FNDC1: variants seen among roughly 807,000 people sequenced by gnomAD.
The protein encoded by FNDC1 is fibronectin type III domain-containing protein 1.
Under a neutral mutation model 168.0 loss-of-function variants are expected in FNDC1, and 96 were observed. The observed-to-expected ratio is 0.57, with a 90% CI of 0.48 to 0.68. The LOEUF is 0.68. Ranked by LOEUF, FNDC1 falls within the 30% of genes least tolerant of loss-of-function variation. The pLI is 0.00. For synonymous variants in FNDC1, 1,099 were observed against 1,025.9 expected (o/e 1.07, Z -1.36); for missense variants, 2,587 against 2,482.1 (o/e 1.04, Z -0.90).
intron 18 of FNDC1, among the ~76,000 whole-genome samples, chr6:159,259,956 G>A (rs1406365504): frequency 6.6e-6 from 1 of 152,238 alleles, no homozygotes; most frequent in Non-Finnish European, 1.5e-5. Flanking sequence ...CAGAAGGCTT[G>A]AGGCCAAGGC....
intron 1 of FNDC1, among the ~76,000 whole-genome samples, chr6:159,177,932 C>T (rs761078752): frequency 6.6e-6 from 1 of 152,010 alleles, no homozygotes; most frequent in South Asian, 2.1e-4. Flanking sequence ...TGCTATTTTT[C>T]AAAAAATGTT....
intron 19 of FNDC1, among the ~76,000 whole-genome samples, chr6:159,262,229 T>G (rs1355355925): frequency 6.6e-6 from 1 of 152,212 alleles, no homozygotes; most frequent in Middle Eastern, 3.2e-3. Context: ...GCAACCCAGC[T>G]GAGCCAGCCC....
intron 1 of FNDC1, among the ~76,000 whole-genome samples, chr6:159,192,768 C>T (rs1042986872): frequency 1.3e-5 from 2 of 152,144 alleles, no homozygotes; most frequent in Admixed American, 6.5e-5. Flanking sequence ...TCCCACACTC[C>T]TCTCCCTGAA....
At chr6:159,242,600 A>G (rs1014014689) in intron 14 of FNDC1, among the ~76,000 whole-genome samples, 23 of 152,362 alleles carry the variant, frequency 1.5e-4, no homozygotes, top group African/African-American at 5.5e-4. Context: ...GTGGATGTTA[A>G]TATATTTACA....
intron 20 of FNDC1, among the ~76,000 whole-genome samples, chr6:159,265,711 C>T (rs779789896): frequency 7.2e-5 from 11 of 152,062 alleles, no homozygotes; most frequent in East Asian, 3.9e-4. Context: ...GGGCGGATTG[C>T]GAGGTCAGGA....
intron 17 of FNDC1, among the ~76,000 whole-genome samples, chr6:159,255,907 C>T (rs530724969): frequency 3.3e-5 from 5 of 152,298 alleles, no homozygotes; most frequent in East Asian, 1.9e-4. Context: ...AGGGTTCACC[C>T]GCTGAGGTCT....
chr6:159,232,181 T>G lies in FNDC1; in HGVS notation c.1669T>G (p.Ser557Ala). 6.2e-7 allele frequency: 1 copy of G among 1,613,546 alleles called. No homozygotes were observed. ...GSREDSPMSP[S>A]DTQDQKRTLR... ...CCGGGAGGACTCGCCCATGTCACCC[T>G]CAGACACCCAAGACCAGAAACGGAC... The change falls in exon 11 of 23, where the codon TCA becomes GCA. Residue 557 changes from serine (S) to alanine (A), a missense_variant. Physicochemically the swap from Ser to Ala is moderately conservative, Grantham distance 99 (BLOSUM62 1). Coordinates refer to ENST00000297267, the MANE Select transcript of FNDC1 (RefSeq NM_032532.3). The surrounding 1 kb of genome is among the most constrained non-coding windows in gnomAD (Gnocchi z 4.9).
chr6:159,244,845 C>T (rs185096504), intron 14 of FNDC1, among the ~76,000 whole-genome samples: 1 of 152,280 alleles, frequency 6.6e-6, no homozygotes, highest in Non-Finnish European at 1.5e-5. Context: ...TAAATCCTCC[C>T]AGAGCCTTGG....
At position 159,269,490 on chromosome 6, in the gene FNDC1, C is replaced by CCA. The variant is rs1777684611; in HGVS notation, c.5569+1564_5569+1565insCA. Among the ~76,000 whole-genome samples, 11 of 135,790 alleles carry CCA rather than the reference C, an allele frequency of 8.1e-5. 1 individual carries two copies. Among genetic ancestry groups the CCA allele is most frequent in the African/African-American group, 1.8e-4 (6 of 33,846 alleles). The allele number at this position is 135,790 out of a possible 152,430, so 89.1% of individuals were successfully genotyped here. ...TCTATCTATCTATCTATCTATCTAT[C>CCA]TATCTATCTATCCATCCATCCATGC... is the stretch of plus-strand genomic sequence containing the variant. On this transcript the variant is annotated intron_variant, in intron 22 of 22. Coordinates refer to ENST00000297267, the MANE Select transcript of FNDC1 (RefSeq NM_032532.3).
chr6:159,238,756 G>A, intron 13 of FNDC1, 91 bp downstream of exon 13: 1 of 861,814 alleles, frequency 1.2e-6, no homozygotes, highest in South Asian at 1.8e-5. Flanking sequence ...CATTTATAAT[G>A]AATGGTCATG....
In FNDC1 at chr6:159,200,518, G is replaced by A; in HGVS notation, c.397G>A (p.Glu133Lys). 6.3e-7 allele frequency: 1 copy of A among 1,597,714 alleles called. No individual in the cohort carries two copies. Among genetic ancestry groups the A allele is most frequent in the Non-Finnish European group, 8.5e-7 (1 of 1,171,210 alleles). ...VYRAESPPGG[E>K]WIEIDGFPIK... ...GTTGCATTTCCCTAATTTAGGAGGT[G>A]AATGGATCGAGATTGATGGTTTTCC... The change falls in exon 4 of 23, where the codon GAA becomes AAA. Residue 133 changes from glutamate (E) to lysine (K), a missense_variant. By Grantham distance (56) the Glu-to-Lys change is moderately conservative. Transcript: ENST00000297267.
At chr6:159,258,504 C>T (rs1322831129) in intron 18 of FNDC1, among the ~76,000 whole-genome samples, 1 of 152,096 alleles carries the variant, frequency 6.6e-6, no homozygotes, top group East Asian at 1.9e-4. Flanking sequence ...GAGAGGATGT[C>T]TCAAAGAAGT....
intron 7 of FNDC1, among the ~76,000 whole-genome samples, chr6:159,224,822 GAC>G (rs2114980096): frequency 6.6e-6 from 1 of 152,302 alleles, no homozygotes; most frequent in Admixed American, 6.5e-5. Context: ...AGGCCACAAA[GAC>G]AATTTCTTTG....
intron 14 of FNDC1, among the ~76,000 whole-genome samples, chr6:159,242,567 T>C (rs959841063): frequency 2.0e-5 from 3 of 152,224 alleles, no homozygotes; most frequent in African/African-American, 7.2e-5. Context: ...TCATATACCA[T>C]AAAGTTCATT....
chr6:159,266,680 GTTTT>G (rs10616860), intron 21 of FNDC1, among the ~76,000 whole-genome samples: 78,563 of 144,132 alleles, frequency 0.55, 23,373 homozygotes, highest in Middle Eastern at 0.68. Flanking sequence ...GAAATCTAGG[GTTTT>G]TTTTTTTTTT....
In FNDC1 at chr6:159,271,550, T is replaced by G; in HGVS notation, c.*108T>G. ...GCGTGCTCAGCCCCGCTGCCCTAGGTGCCAGGAAGGTCATAGATGGACACT... is the reference window on the plus strand; with the variant it reads ...GCGTGCTCAGCCCCGCTGCCCTAGGGGCCAGGAAGGTCATAGATGGACACT... On this transcript the variant is annotated 3_prime_UTR_variant, in exon 23 of 23. Coordinates refer to ENST00000297267, the MANE Select transcript of FNDC1 (RefSeq NM_032532.3). 2.4e-6 allele frequency: 2 copies of G among 816,550 alleles called. No homozygotes were observed. The highest frequency in any genetic ancestry group is 2.0e-6 in the Non-Finnish European group (1 of 489,654). The allele number at this position is 816,550 out of a possible 1,614,324, so 50.6% of individuals were successfully genotyped here. A position where few individuals can be genotyped will look rare whatever the true frequency, so the allele number is the denominator to read the frequency against.
intron 8 of FNDC1, 23 bp from the exon 9 acceptor site, chr6:159,226,450 T>G: frequency 1.3e-6 from 2 of 1,584,608 alleles, no homozygotes; most frequent in South Asian, 1.1e-5. Context: ...TTTAAAAATG[T>G]TTCTTTCCTT....
intron 4 of FNDC1, among the ~76,000 whole-genome samples, chr6:159,208,837 A>AT (rs1340844629): frequency 8.0e-6 from 1 of 124,224 alleles, no homozygotes; most frequent in Non-Finnish European, 1.6e-5. Flanking sequence ...TTCAAATGTT[A>AT]TTTTTAATTT....
intron 5 of FNDC1, 84 bp from the exon 6 acceptor site, chr6:159,221,514 G>A: frequency 9.3e-7 from 1 of 1,072,296 alleles, no homozygotes. Context: ...GAGGAGGAAT[G>A]CAGAACCCCC....
Sources: allele counts gnomAD v4.1 joint callset (sites outside exome capture counted in the v4.1 genomes callset), GRCh38; gene constraint gnomAD v4.1.1; non-coding constraint Gnocchi (gnomAD v3.1); transcripts MANE v1.5; gene names NCBI Gene and HGNC (gene_info 2026-07-23, HGNC 2026-07-21).